Variants in MED15 observed in about 807,000 individuals in gnomAD.
MED15 encodes mediator complex subunit 15, also known as mediator of RNA polymerase II transcription subunit 15.
MED15 carries 41 observed loss-of-function variants against 118.7 expected under a neutral mutation model. The observed-to-expected ratio is 0.35, with a 90% CI of 0.27 to 0.45. The LOEUF (loss-of-function observed/expected upper bound fraction) is 0.45, where lower values mean the gene tolerates loss of function less well. Among genes scored for constraint, MED15 ranks in the 20% least tolerant of loss-of-function variants. The pLI, the probability that MED15 is intolerant of heterozygous loss-of-function variation, is 1.00. For missense variants in MED15, 740 were observed against 1,025.5 expected (o/e 0.72, Z 3.80); for synonymous variants, 436 against 413.9 (o/e 1.05, Z -0.65).
intron 2 of MED15, among the ~76,000 whole-genome samples, chr22:20,547,248 C>T (rs901450493): frequency 7.2e-5 from 11 of 152,098 alleles, no homozygotes; most frequent in African/African-American, 2.4e-4. Context: ...TTATTGAGAA[C>T]ATTTTGCTTT....
At chr22:20,543,078 T>G (rs2055373649) in intron 2 of MED15, among the ~76,000 whole-genome samples, 1 of 151,664 alleles carries the variant, frequency 6.6e-6, no homozygotes, top group Non-Finnish European at 1.5e-5. Context: ...TCCTTTCTGC[T>G]TAACAGTTCT....
chr22:20,507,934 G>C lies in MED15; in HGVS notation c.68+188G>C. 7 of 1,444,050 alleles carry C rather than the reference G, an allele frequency of 4.8e-6. No homozygotes were observed. In the South Asian group the frequency reaches 7.4e-5, roughly 15 times the overall value. 89.5% of individuals were successfully genotyped at this position (1,444,050 alleles called of 1,614,324 possible). A position where few individuals can be genotyped will look rare whatever the true frequency, so the allele number is the denominator to read the frequency against. Reference sequence around the variant, plus strand: ...CGTTCCCGACATGGACTGCTCGTTTGCTTTCCTGGGGCCGAGCTCTGCAAA... The same window carrying C: ...CGTTCCCGACATGGACTGCTCGTTTCCTTTCCTGGGGCCGAGCTCTGCAAA... On this transcript the variant is annotated intron_variant, in intron 1 of 17. Transcript: ENST00000263205.
At position 20,517,530 on chromosome 22, in the gene MED15, G is replaced by T. The variant is rs561920945; in HGVS notation, c.68+9784G>T. ...CCCCCACCACCCTGCTCTTTTCACTGCCCCCACCCCGCTGCTCTTTTCACA... is the reference window on the plus strand; with the variant it reads ...CCCCCACCACCCTGCTCTTTTCACTTCCCCCACCCCGCTGCTCTTTTCACA... On this transcript the variant is annotated intron_variant, in intron 1 of 17. Coordinates refer to ENST00000263205, the MANE Select transcript of MED15 (RefSeq NM_001003891.3). Among the ~76,000 whole-genome samples, 306 of 152,190 alleles carry T rather than the reference G, an allele frequency of 2.0e-3. 1 individual carries two copies. Among genetic ancestry groups the T allele is most frequent in the Non-Finnish European group, 1.0e-3 (70 of 68,002 alleles).
rs143030310 is a variant in MED15 at position 20,548,693 on chromosome 22, T to C, written c.157-2743T>C. ...TATAAAAGGTGTATGTCATGCAGTG[T>C]ATGTGGCACGGAGCACGTGTTTCTA... On this transcript the variant is annotated intron_variant, in intron 2 of 17. Coordinates refer to ENST00000263205, the MANE Select transcript of MED15 (RefSeq NM_001003891.3). 6.2e-3 allele frequency among the ~76,000 whole-genome samples: 937 copies of C among 152,326 alleles called. 10 individuals are homozygous for C. The highest frequency in any genetic ancestry group is 0.021 in the African/African-American group (891 of 41,566).
At chr22:20,530,468 C>T (rs1388995846) in intron 1 of MED15, among the ~76,000 whole-genome samples, 1 of 152,160 alleles carries the variant, frequency 6.6e-6, no homozygotes, top group Admixed American at 6.5e-5. Context: ...ACGCACCTTC[C>T]TGCTTTAGAC....
At chr22:20,580,975 C>T (rs2146665894) in intron 9 of MED15, among the ~76,000 whole-genome samples, 1 of 152,342 alleles carries the variant, frequency 6.6e-6, no homozygotes, top group East Asian at 1.9e-4. Flanking sequence ...TCCCTCCTCT[C>T]CCAGGCAGAG....
intron 1 of MED15, among the ~76,000 whole-genome samples, chr22:20,535,892 T>C (rs2055059885): frequency 3.6e-5 from 3 of 82,694 alleles, no homozygotes; most frequent in South Asian, 7.2e-4. Flanking sequence ...TTTTTTTTTT[T>C]TTTGAGATGG....
At chr22:20,528,142 G>A (rs2054724458) in intron 1 of MED15, among the ~76,000 whole-genome samples, 1 of 152,064 alleles carries the variant, frequency 6.6e-6, no homozygotes, top group South Asian at 2.1e-4. Flanking sequence ...TATTGGCCAT[G>A]TTATGGCGTC....
chr22:20,523,675 C>T, intron 1 of MED15: 2 of 985,362 alleles, frequency 2.0e-6, no homozygotes, highest in Non-Finnish European at 2.4e-6. Context: ...GGGACACTTT[C>T]AGGCGAGACC....
At chr22:20,534,332 A>C (rs540274363) in intron 1 of MED15, among the ~76,000 whole-genome samples, 1 of 152,212 alleles carries the variant, frequency 6.6e-6, no homozygotes, top group Admixed American at 6.5e-5. Flanking sequence ...CCTGGGCAAC[A>C]AAGCAAGACC....
intron 6 of MED15, among the ~76,000 whole-genome samples, chr22:20,565,209 G>A (rs2056392945): frequency 6.6e-6 from 1 of 152,220 alleles, no homozygotes; most frequent in Non-Finnish European, 1.5e-5. Context: ...TTCTGTGATC[G>A]AGCCCTTCCA....
At chr22:20,579,577 G>C (rs2056919016) in intron 9 of MED15, among the ~76,000 whole-genome samples, 2 of 152,094 alleles carry the variant, frequency 1.3e-5, no homozygotes, top group South Asian at 4.1e-4. Flanking sequence ...TTGCCTGAGG[G>C]TTCCTCTGTG....
At chr22:20,524,938 T>G (rs889767767) in intron 1 of MED15, among the ~76,000 whole-genome samples, 1 of 152,072 alleles carries the variant, frequency 6.6e-6, no homozygotes, top group African/African-American at 2.4e-5. Flanking sequence ...GAGACGCTCC[T>G]GGGGGTCCAA....
intron 14 of MED15, 21 bp from the exon 15 acceptor site, chr22:20,584,834 C>T (rs2057087154): frequency 6.2e-7 from 1 of 1,609,798 alleles, no homozygotes; most frequent in Non-Finnish European, 8.5e-7. Flanking sequence ...GGGCTGCTGA[C>T]CGTGCCCATC....
intron 1 of MED15, among the ~76,000 whole-genome samples, chr22:20,508,973 C>G (rs1228275510): frequency 2.0e-5 from 3 of 152,178 alleles, no homozygotes; most frequent in Admixed American, 2.0e-4. Flanking sequence ...GGGTTTCTTG[C>G]GAAGCGGCGG....
rs568114593 is a variant in MED15 at position 20,507,963 on chromosome 22, A to T, written c.68+217A>T. On this transcript the variant is annotated intron_variant, in intron 1 of 17. Transcript: ENST00000263205. The stretch of plus-strand genomic sequence containing the variant: ...TCCTGGGGCCGAGCTCTGCAAACCA[A>T]CGAGCCCTGGCTTATGAATCATCGT... 62 of 1,437,474 alleles carry T rather than the reference A, an allele frequency of 4.3e-5. No individual in the cohort carries two copies. In the African/African-American group the frequency reaches 7.3e-4, roughly 17 times the overall value. The allele number at this position is 1,437,474 out of a possible 1,614,324, so 89.0% of individuals were successfully genotyped here.
chr22:20,516,384 AAGAC>A (rs1216405747), intron 1 of MED15, among the ~76,000 whole-genome samples: 2 of 152,138 alleles, frequency 1.3e-5, no homozygotes, highest in Non-Finnish European at 2.9e-5. Flanking sequence ...ACAGCAGGAC[AAGAC>A]AGACAAACCC....
chr22:20,583,096 C>A lies in MED15; in HGVS notation c.1538-17C>A. 6.4e-7 allele frequency: 1 copy of A among 1,572,658 alleles called. No individual in the cohort carries two copies. Among genetic ancestry groups the A allele is most frequent in the Non-Finnish European group, 8.6e-7 (1 of 1,157,824 alleles). On this transcript the variant is annotated splice_polypyrimidine_tract_variant and intron_variant, in intron 11 of 17. Transcript: ENST00000263205. ...CGAGGGTCGAGGGCTGTGGCCTCAC[C>A]CGCCTGTGTCCTGCAGTGAACCCCA...
At chr22:20,550,894 G>A (rs548984384) in intron 2 of MED15, 24 of 346,696 alleles carry the variant, frequency 6.9e-5, no homozygotes, top group East Asian at 4.6e-4. Context: ...TTGCCTGTGC[G>A]TAAATGGAGA....
Sources: gnomAD v4.1 joint callset for allele counts (sites outside exome capture counted in the v4.1 genomes callset) on GRCh38, gnomAD v4.1.1 for gene constraint, MANE v1.5 for transcripts, NCBI Gene and HGNC (gene_info 2026-07-23, HGNC 2026-07-21) for gene names.